The following GALNT13 variants were observed in gnomAD, a reference collection of about 807,000 sequenced individuals.
GALNT13 encodes UDP-GalNAc:polypeptide N-acetylgalactosaminyltransferase 13.
In GALNT13, 28 loss-of-function variants were observed where a neutral mutation model predicts 64.2. The observed-to-expected ratio is 0.44, with a 90% CI of 0.32 to 0.60. The LOEUF (loss-of-function observed/expected upper bound fraction) is 0.60. Among genes scored for constraint, GALNT13 ranks in the 20% least tolerant of loss-of-function variants. The pLI is 0.05. For missense variants in GALNT13, 577 were observed against 669.8 expected, an observed-to-expected ratio of 0.86 and a Z score of 1.53; for synonymous variants, 214 against 224.6, an observed-to-expected ratio of 0.95 and a Z score of 0.42.
chr2:153,360,789 G>A, the GALNT13 span, among the ~76,000 whole-genome samples: 1 of 152,166 alleles, frequency 6.6e-6, no homozygotes, highest in Non-Finnish European at 1.5e-5. Context: ...GTCTTTCTAA[G>A]GAGTCTAGTT....
At chr2:154,190,624 G>T (rs1686523473) in intron 4 of GALNT13, among the ~76,000 whole-genome samples, 1 of 152,124 alleles carries the variant, frequency 6.6e-6, no homozygotes. Flanking sequence ...AGGAAACAAT[G>T]AAAAACAATT....
chr2:153,258,040 T>G, the GALNT13 span, among the ~76,000 whole-genome samples: 4,933 of 152,150 alleles, frequency 0.032, 253 homozygotes, highest in African/African-American at 0.11. Flanking sequence ...AAGAGAGGAA[T>G]TTACCCAACT....
At chr2:154,005,259 G>A (rs896138524) in intron 3 of GALNT13, among the ~76,000 whole-genome samples, 6 of 152,136 alleles carry the variant, frequency 3.9e-5, no homozygotes, top group African/African-American at 1.2e-4. Flanking sequence ...ACTTTGTAGA[G>A]TAATTACAAG....
the GALNT13 span, among the ~76,000 whole-genome samples, chr2:153,279,926 G>A: frequency 6.6e-6 from 1 of 152,052 alleles, no homozygotes; most frequent in Non-Finnish European, 1.5e-5. Context: ...TTTTGCAATA[G>A]TTTCAGGAAA....
chr2:153,412,520 G>C, the GALNT13 span, among the ~76,000 whole-genome samples: 128 of 152,324 alleles, frequency 8.4e-4, 1 homozygote, highest in East Asian at 0.023. Flanking sequence ...GGAATTGTAA[G>C]AGTGCACTGG....
intron 12 of GALNT13, chr2:154,446,681 G>A (rs1701597793): frequency 1.1e-5 from 17 of 1,548,342 alleles, no homozygotes; most frequent in East Asian, 2.4e-5. Flanking sequence ...TGCAAAAATG[G>A]CTACTAAGAA....
At chr2:153,562,058 CTCTGTGTGTGTGTGTGTGTGTGTG>C in the GALNT13 span, among the ~76,000 whole-genome samples, 1 of 87,214 alleles carries the variant, frequency 1.1e-5, no homozygotes, top group African/African-American at 4.3e-5. Flanking sequence ...CTCTCTCTCT[CTCTGTGTGTGTGTGTGTGTGTGTG>C]TGTGTGTGTG....
At chr2:153,662,259 A>G in the GALNT13 span, among the ~76,000 whole-genome samples, 2 of 152,192 alleles carry the variant, frequency 1.3e-5, no homozygotes, top group Admixed American at 1.3e-4. Flanking sequence ...GGGCTATCCC[A>G]TGTCCAGATC....
intron 10 of GALNT13, among the ~76,000 whole-genome samples, chr2:154,397,527 A>G (rs1385440077): frequency 2.0e-5 from 3 of 152,256 alleles, no homozygotes; most frequent in Admixed American, 6.5e-5. Context: ...GTTGTAGACC[A>G]TAATGGTAGA....
At chr2:153,197,357 A>C in the GALNT13 span, among the ~76,000 whole-genome samples, 1 of 152,204 alleles carries the variant, frequency 6.6e-6, no homozygotes, top group African/African-American at 2.4e-5. Flanking sequence ...GGTTCTTCCA[A>C]AGGTGTGCAT....
At chr2:153,201,248 T>C in the GALNT13 span, among the ~76,000 whole-genome samples, 1 of 152,226 alleles carries the variant, frequency 6.6e-6, no homozygotes, top group Non-Finnish European at 1.5e-5. Flanking sequence ...CCTTGGATTC[T>C]GCTGCTTGGT....
At position 154,409,069 on chromosome 2, in the gene GALNT13, T is replaced by TGG; in HGVS notation, c.1384_1385dup (p.Gly463GlufsTer30). The TGG allele has an allele frequency of 6.2e-7, 1 of 1,604,306 alleles. No homozygotes were observed. The highest frequency in any genetic ancestry group is 8.5e-7 in the Non-Finnish European group (1 of 1,171,580). On this transcript the variant is annotated frameshift_variant, in exon 11 of 13. Transcript: ENST00000392825. LOFTEE classifies it high-confidence loss of function. ...GTGGGTATATTCAACTGTCATGGTA[T>TGG]GGGAGGAAATCAGGTAAACTCTCCC...
chr2:154,190,776 T>G (rs1474588043), intron 4 of GALNT13, among the ~76,000 whole-genome samples: 1 of 152,198 alleles, frequency 6.6e-6, no homozygotes, highest in Non-Finnish European at 1.5e-5. Context: ...GTAATTGTAT[T>G]TTTTCCTAGT....
At chr2:153,580,278 T>C in the GALNT13 span, among the ~76,000 whole-genome samples, 5 of 152,096 alleles carry the variant, frequency 3.3e-5, no homozygotes, top group Admixed American at 6.6e-5. Context: ...GAAAATTTCA[T>C]GGTTATAGAG....
At chr2:154,022,933 C>T (rs1227464984) in intron 3 of GALNT13, among the ~76,000 whole-genome samples, 1 of 152,148 alleles carries the variant, frequency 6.6e-6, no homozygotes, top group Non-Finnish European at 1.5e-5. Flanking sequence ...ATCTTTATTT[C>T]TGCCTTCATT....
chr2:153,854,950 A>G, the GALNT13 span, among the ~76,000 whole-genome samples: 4 of 152,160 alleles, frequency 2.6e-5, no homozygotes, highest in Admixed American at 1.3e-4. Flanking sequence ...TGTAGCAAGC[A>G]TAGAAAGTTG....
the GALNT13 span, among the ~76,000 whole-genome samples, chr2:153,257,592 A>T: frequency 2.6e-5 from 4 of 152,140 alleles, no homozygotes; most frequent in African/African-American, 9.7e-5. Flanking sequence ...CTTTTCCCTT[A>T]AAAGTTTGCT....
At chr2:154,195,660 A>G (rs1167997266) in intron 4 of GALNT13, among the ~76,000 whole-genome samples, 2 of 152,086 alleles carry the variant, frequency 1.3e-5, no homozygotes, top group African/African-American at 4.8e-5. Flanking sequence ...TTCCACACAT[A>G]TAGGAGCTCA....
At chr2:153,262,512 C>G in the GALNT13 span, among the ~76,000 whole-genome samples, 1 of 152,132 alleles carries the variant, frequency 6.6e-6, no homozygotes, top group African/African-American at 2.4e-5. Context: ...AAACTTTAGG[C>G]CAGTATCCGT....
Sources: gnomAD v4.1 joint callset for allele counts (sites outside exome capture counted in the v4.1 genomes callset) on GRCh38, gnomAD v4.1.1 for gene constraint, MANE v1.5 for transcripts, NCBI Gene and HGNC (gene_info 2026-07-23, HGNC 2026-07-21) for gene names.